Variants in APC observed in about 807,000 individuals in gnomAD.
APC encodes the protein adenomatous polyposis coli protein.
Under a neutral mutation model 247.0 loss-of-function variants are expected in APC, and 72 were observed. The ratio of observed to expected loss-of-function variants is 0.29; its 90% CI spans 0.24 to 0.35. APC has a LOEUF of 0.35. APC is among the 10% of genes least tolerant of loss of function. The pLI is 1.00. For synonymous variants in APC, 1,254 were observed against 1,162.5 expected, an observed-to-expected ratio of 1.08 and a Z score of -1.60; for missense variants, 3,400 against 3,360.7, an observed-to-expected ratio of 1.01 and a Z score of -0.29.
Position 112,839,536 on chromosome 5 carries a change from G to A in APC, c.3942G>A (p.Arg1314=), listed in dbSNP as rs1315459181. ...IAEIKEKIGT[R]SAEDPVSEVP... is the part of the protein sequence containing the mutation. ...AAATAAAAGAAAAGATTGGAACTAGGTCAGCTGAAGATCCTGTGAGCGAAG... is the reference window on the plus strand; with the variant it reads ...AAATAAAAGAAAAGATTGGAACTAGATCAGCTGAAGATCCTGTGAGCGAAG... The change falls in exon 16 of 16, where the codon AGG becomes AGA. Residue 1314 remains arginine (R), a synonymous_variant. Coordinates refer to ENST00000257430, the MANE Select transcript of APC (RefSeq NM_000038.6). The surrounding 1 kb of genome is among the most constrained non-coding windows in gnomAD (Gnocchi z 5.0). 1 of 1,614,190 alleles carries A rather than the reference G, an allele frequency of 6.2e-7. No individual in the cohort carries two copies. Among genetic ancestry groups the A allele is most frequent in the Non-Finnish European group, 8.5e-7 (1 of 1,180,028 alleles).
chr5:112,835,196 G>T (rs1561569812), intron 15 of APC, 31 bp downstream of exon 15: 1 of 1,563,984 alleles, frequency 6.4e-7, no homozygotes, highest in South Asian at 1.1e-5. Context: ...TACTTTTAAA[G>T]TACAGAATTC....
intron 5 of APC, among the ~76,000 whole-genome samples, chr5:112,776,250 A>G (rs189593977): frequency 3.3e-4 from 51 of 152,356 alleles, no homozygotes; most frequent in African/African-American, 1.1e-3. Context: ...AATTAACAGT[A>G]TGCAGTTGAA....
At chr5:112,716,150 CG>C (rs1751159288) in intron 1 of APC, among the ~76,000 whole-genome samples, 1 of 151,956 alleles carries the variant, frequency 6.6e-6, no homozygotes. Context: ...TGGGGTTCTT[CG>C]GTGAAGTTCT....
chr5:112,738,061 C>T, intron 1 of APC, 136 bp downstream of exon 1: 1 of 523,850 alleles, frequency 1.9e-6, no homozygotes, highest in Non-Finnish European at 2.5e-6. Context: ...GAGGCAGGGG[C>T]GTCGTCCCCC....
intron 2 of APC, among the ~76,000 whole-genome samples, chr5:112,757,979 A>AG (rs1755185079): frequency 6.6e-6 from 1 of 152,200 alleles, no homozygotes; most frequent in Non-Finnish European, 1.5e-5. Context: ...TTTACAAAGA[A>AG]GTTGTATGAT....
intron 8 of APC, among the ~76,000 whole-genome samples, chr5:112,809,094 G>A (rs1761716685): frequency 6.6e-6 from 1 of 152,032 alleles, no homozygotes; most frequent in Non-Finnish European, 1.5e-5. Flanking sequence ...GCTCATGCCT[G>A]TAATCCCAGC....
At chr5:112,818,855 G>GGGTGTTTTGTTTTTTTTTTTTTT in intron 9 of APC, 111 bp from the exon 10 acceptor site, 1 of 1,118,296 alleles carries the variant, frequency 8.9e-7, no homozygotes. Context: ...GGCGGGGGGG[G>GGGTGTTTTGTTTTTTTTTTTTTT]TTGTTTTGTT....
rs776103515 is a variant in APC, at chr5:112,840,569, G to A, written c.4975G>A (p.Asp1659Asn). 1 of 1,614,134 alleles carries A rather than the reference G, an allele frequency of 6.2e-7. No homozygotes were observed. The highest frequency in any genetic ancestry group is 8.5e-7 in the Non-Finnish European group (1 of 1,180,000). Residue 1659 changes from aspartate to asparagine, a missense_variant, in exon 16 of 16, where the codon GAT becomes AAT. By Grantham distance (23) the Asp-to-Asn change is conservative (BLOSUM62 1). Around this residue, in one of 9 missense-constraint regions of APC, gnomAD observed 1,788 missense variants for 1,649.5 expected, o/e 1.08. Coordinates refer to ENST00000257430, the MANE Select transcript of APC (RefSeq NM_000038.6). The surrounding 1 kb of genome is among the most constrained non-coding windows in gnomAD (Gnocchi z 4.1). Reference sequence around the variant, plus strand: ...CTTTTCCACAGCTACATCTCTAAGTGATCTAACAATCGAATCCCCTCCAAA... The same window carrying A: ...CTTTTCCACAGCTACATCTCTAAGTAATCTAACAATCGAATCCCCTCCAAA... Reference protein sequence around the residue: ...INFSTATSLSDLTIESPPNEL... With the variant: ...INFSTATSLSNLTIESPPNEL...
chr5:112,712,346 C>G (rs1750903223), intron 1 of APC, among the ~76,000 whole-genome samples: 1 of 152,094 alleles, frequency 6.6e-6, no homozygotes, highest in South Asian at 2.1e-4. Flanking sequence ...TCAGTTTGAT[C>G]TCTTCACCAA....
rs1766233320 is a variant in APC at position 112,842,109 on chromosome 5, A to G, written c.6515A>G (p.Glu2172Gly). Residue 2172 changes from glutamate to glycine, a missense_variant, in exon 16 of 16, where the codon GAG (glutamate) becomes GGG (glycine). Transcript: ENST00000257430. ...GGCCCACGAATTCTAAAACCAGGGG[A>G]GAAAAGTACATTGGAAACTAAAAAG... ...NKGPRILKPG[E>G]KSTLETKKIE... 6.2e-7 allele frequency: 1 copy of G among 1,611,092 alleles called. No homozygotes were observed.
At chr5:112,707,999 GTC>G in intron 1 of APC, 1 of 1,066,740 alleles carries the variant, frequency 9.4e-7, no homozygotes, top group Non-Finnish European at 1.2e-6. Context: ...TTCTCTCCAT[GTC>G]TCACCCTCTC....
intron 1 of APC, among the ~76,000 whole-genome samples, chr5:112,717,908 C>CTTTTTTTTTTTTTTTTTTTTTTTT: frequency 0.013 from 527 of 40,692 alleles, 155 homozygotes; most frequent in Middle Eastern, 0.019. Flanking sequence ...TTTTCTTTTT[C>CTTTTTTTTTTTTTTTTTTTTTTTT]TTTTTTTTTT....
intron 1 of APC, among the ~76,000 whole-genome samples, chr5:112,729,681 C>A (rs1172698917): frequency 2.6e-5 from 4 of 152,210 alleles, no homozygotes; most frequent in Admixed American, 6.5e-5. Flanking sequence ...TACATTGGGT[C>A]TACCCAGGAT....
At chr5:112,710,608 T>C (rs1312974198) in intron 1 of APC, among the ~76,000 whole-genome samples, 1 of 152,182 alleles carries the variant, frequency 6.6e-6, no homozygotes, top group Non-Finnish European at 1.5e-5. Flanking sequence ...TGTTCAACTC[T>C]AGGAGGACGT....
chr5:112,721,692 T>A (rs1027790039), intron 1 of APC, among the ~76,000 whole-genome samples: 1 of 152,092 alleles, frequency 6.6e-6, no homozygotes, highest in African/African-American at 2.4e-5. Context: ...TGTCAGAAGA[T>A]CTTGGGTGTT....
chr5:112,783,766 A>C (rs1758629788), intron 6 of APC: 1 of 115,332 alleles, frequency 8.7e-6, no homozygotes, highest in Non-Finnish European at 1.7e-5. Context: ...CACTGCACTC[A>C]AAAAAAAAAA....
intron 4 of APC, among the ~76,000 whole-genome samples, chr5:112,769,861 G>A (rs1216007909): frequency 6.6e-6 from 1 of 152,134 alleles, no homozygotes. Context: ...GACGAGAAAT[G>A]ATGTTTCACT....
chr5:112,788,909 T>A (rs952115764), intron 6 of APC, among the ~76,000 whole-genome samples: 15 of 152,318 alleles, frequency 9.8e-5, no homozygotes, highest in African/African-American at 3.6e-4. Flanking sequence ...ACAGCGTTTT[T>A]TCTTTTGTTG....
At position 112,792,526 on chromosome 5, in the gene APC, A is replaced by C. The variant is rs1580424505; in HGVS notation, c.726A>C (p.Ala242=). Residue 242 remains alanine (A), a synonymous_variant, in exon 7 of 16, where the codon GCA becomes GCC. Transcript: ENST00000257430. ...TTTTACAGTCCCAAGCAACAGAAGCAGAGGTTAGTAAATTGCCTTTCTTGT... is the reference window on the plus strand; with the variant it reads ...TTTTACAGTCCCAAGCAACAGAAGCCGAGGTTAGTAAATTGCCTTTCTTGT... ...RQLLQSQATE[A]ERSSQNKHET... 6.2e-7 allele frequency: 1 copy of C among 1,611,416 alleles called. No homozygotes were observed. Among genetic ancestry groups the C allele is most frequent in the Non-Finnish European group, 8.5e-7 (1 of 1,178,124 alleles).
Sources: allele counts gnomAD v4.1 joint callset (sites outside exome capture counted in the v4.1 genomes callset), GRCh38; gene constraint gnomAD v4.1.1; regional missense constraint gnomAD v4.1.1; non-coding constraint Gnocchi (gnomAD v3.1); transcripts MANE v1.5; gene names NCBI Gene and HGNC (gene_info 2026-07-23, HGNC 2026-07-21).